CEP63: variants seen among roughly 807,000 people sequenced by gnomAD.
The protein encoded by CEP63 is centrosomal protein of 63 kDa.
CEP63 carries 84 observed loss-of-function variants against 89.1 expected under a neutral mutation model. The observed-to-expected ratio is 0.94, with a 90% confidence interval of 0.79 to 1.13. CEP63 has a LOEUF of 1.13. Among genes scored for constraint, CEP63 ranks in the 50% most tolerant of loss-of-function variants. The pLI is 0.00. For synonymous variants in CEP63, 267 were observed against 272.5 expected (o/e 0.98, Z 0.20); for missense variants, 838 against 813.3 (o/e 1.03, Z -0.37).
chr3:134,531,895 G>A lies in CEP63; in HGVS notation c.273G>A (p.Glu91=). 1 of 1,613,638 alleles carries A rather than the reference G, an allele frequency of 6.2e-7. No individual in the cohort carries two copies. The change falls in exon 4 of 15, where the codon GAG becomes GAA. Residue 91 remains glutamate (E), a synonymous_variant. Coordinates refer to ENST00000675561, the MANE Select transcript of CEP63 (RefSeq NM_001353108.3). ...QVEEHEKIKQ[E]MTMEYKQELK... is the part of the protein sequence containing the mutation. ...AAGAACATGAAAAAATCAAGCAAGA[G>A]ATGACCATGGAATATAAGCAGGAGT...
chr3:134,609,088 G>A, the CEP63 span, among the ~76,000 whole-genome samples: 484 of 152,314 alleles, frequency 3.2e-3, 4 homozygotes, highest in African/African-American at 0.011. Context: ...CTAGGCTGTC[G>A]AGGGGAAAAC....
At chr3:134,554,909 TTG>T (rs1955815719) in intron 12 of CEP63, among the ~76,000 whole-genome samples, 3 of 152,046 alleles carry the variant, frequency 2.0e-5, no homozygotes, top group African/African-American at 7.2e-5. Context: ...TTCATGTCCT[TTG>T]CCCACTTTTT....
Position 134,561,374 on chromosome 3 carries a change from C to T in CEP63, c.1954-3C>T. ...CACATGTCAAAATTTGTGTCTCTTC[C>T]AGTGTTCCTTGCCTGTATCTCCCCT... On this transcript the variant is annotated splice_region_variant and splice_polypyrimidine_tract_variant and intron_variant, in intron 14 of 14. Coordinates refer to ENST00000675561, the MANE Select transcript of CEP63 (RefSeq NM_001353108.3). The T allele has an allele frequency of 2.5e-6, 4 of 1,613,230 alleles. No individual in the cohort carries two copies. The East Asian group carries it at 6.7e-5, about 27-fold the overall frequency.
chr3:134,620,422 T>G, the CEP63 span, among the ~76,000 whole-genome samples: 42 of 152,282 alleles, frequency 2.8e-4, no homozygotes, highest in African/African-American at 9.1e-4. Context: ...GACCTGTTGC[T>G]CTGGGCTCTC....
At chr3:134,641,004 AC>A in the CEP63 span, among the ~76,000 whole-genome samples, 5 of 151,836 alleles carry the variant, frequency 3.3e-5, no homozygotes, top group Non-Finnish European at 7.4e-5. Flanking sequence ...CTCTTCTGCT[AC>A]CCCCACCTTG....
Position 134,486,066 on chromosome 3 carries a change from C to G in CEP63, c.-162C>G. The G allele has an allele frequency of 1.0e-6, 1 of 984,454 alleles. No individual in the cohort carries two copies. 61.0% of individuals were successfully genotyped at this position (984,454 alleles called of 1,614,324 possible). A position where few individuals can be genotyped will look rare whatever the true frequency, so the allele number is the denominator to read the frequency against. ...TCCCGGATGTGGGTGAGTTCATTTG[C>G]TCGCGTGCAGGGGAAGTCTGGAGAA... On this transcript the variant is annotated 5_prime_UTR_variant, in exon 1 of 15. Coordinates refer to ENST00000675561, the MANE Select transcript of CEP63 (RefSeq NM_001353108.3).
chr3:134,698,018 A>C, the CEP63 span, among the ~76,000 whole-genome samples: 34 of 152,310 alleles, frequency 2.2e-4, no homozygotes, highest in South Asian at 6.6e-3. Context: ...TTGTCCAGAC[A>C]TGGAAGACTG....
At chr3:134,677,596 A>G in the CEP63 span, among the ~76,000 whole-genome samples, 1 of 151,974 alleles carries the variant, frequency 6.6e-6, no homozygotes, top group South Asian at 2.1e-4. Flanking sequence ...ATTCCTGGAC[A>G]TTTGTGCCTC....
chr3:134,689,957 T>G, the CEP63 span, among the ~76,000 whole-genome samples: 1 of 152,226 alleles, frequency 6.6e-6, no homozygotes, highest in Admixed American at 6.5e-5. Context: ...ACAGAATTTT[T>G]GCATATCTAC....
chr3:134,489,160 A>C (rs1352130698), intron 1 of CEP63, among the ~76,000 whole-genome samples: 1 of 134,790 alleles, frequency 7.4e-6, no homozygotes, highest in East Asian at 2.0e-4. Flanking sequence ...GACTGTCTCA[A>C]AAAAAAAAAA....
downstream of CEP63, among the ~76,000 whole-genome samples, chr3:134,576,991 A>G (rs1411932923): frequency 6.6e-6 from 1 of 152,170 alleles, no homozygotes; most frequent in African/African-American, 2.4e-5. Flanking sequence ...CAGGCCAAAC[A>G]GTAAAGTTTG....
At chr3:134,670,309 A>C in the CEP63 span, among the ~76,000 whole-genome samples, 1 of 152,192 alleles carries the variant, frequency 6.6e-6, no homozygotes, top group African/African-American at 2.4e-5. Context: ...GTCCCTTTGC[A>C]TATAAAATTT....
intron 1 of CEP63, among the ~76,000 whole-genome samples, chr3:134,494,721 GC>G (rs1939129930): frequency 1.3e-5 from 2 of 152,120 alleles, no homozygotes; most frequent in Admixed American, 1.3e-4. Flanking sequence ...AACGTATTAA[GC>G]ACTGGGAGCA....
chr3:134,511,662 T>C lies in CEP63; in HGVS notation c.222+4376T>C, dbSNP rs138595240. ...GGTGAGGCCTCAGGAAACTTAATCA[T>C]GGCAGAAAGTGAAGAGGAAGCAGGC... On this transcript the variant is annotated intron_variant, in intron 3 of 14. Coordinates refer to ENST00000675561, the MANE Select transcript of CEP63 (RefSeq NM_001353108.3). Among the ~76,000 whole-genome samples the C allele has an allele frequency of 7.6e-3, 1,152 of 152,254 alleles. 17 individuals are homozygous for C. The highest frequency in any genetic ancestry group is 0.026 in the African/African-American group (1,096 of 41,544).
the CEP63 span, among the ~76,000 whole-genome samples, chr3:134,764,008 G>A: frequency 5.3e-5 from 8 of 152,150 alleles, no homozygotes; most frequent in South Asian, 2.1e-4. Context: ...TTGTTTACTG[G>A]GTAGAATATA....
intron 11 of CEP63, chr3:134,574,753 G>T (rs1449356397): frequency 8.6e-6 from 5 of 578,408 alleles, no homozygotes; most frequent in Admixed American, 2.6e-5. Context: ...TCAGGCACGT[G>T]CCACCACACC....
intron 3 of CEP63, chr3:134,510,502 T>C (rs1944590481): frequency 1.4e-5 from 5 of 361,206 alleles, no homozygotes; most frequent in Non-Finnish European, 2.7e-5. Flanking sequence ...AATTACCATA[T>C]ATGTGCCTTT....
chr3:134,567,152 C>CA (rs57656773), downstream of CEP63, among the ~76,000 whole-genome samples: 95,183 of 141,380 alleles, frequency 0.67, 31,307 homozygotes, highest in East Asian at 0.85. Context: ...AGGAAGAAAG[C>CA]AAAAAAAAAA....
the CEP63 span, among the ~76,000 whole-genome samples, chr3:134,647,248 G>A: frequency 6.6e-6 from 1 of 152,312 alleles, no homozygotes; most frequent in African/African-American, 2.4e-5. Flanking sequence ...GAGAGCAGGG[G>A]ACCTGACTCC....
Sources: allele counts gnomAD v4.1 joint callset (sites outside exome capture counted in the v4.1 genomes callset), GRCh38; gene constraint gnomAD v4.1.1; transcripts MANE v1.5; gene names NCBI Gene and HGNC (gene_info 2026-07-23, HGNC 2026-07-21).